TBC1D9: variants seen among roughly 807,000 people sequenced by gnomAD.
The protein encoded by TBC1D9 is TBC1 domain family member 9.
TBC1D9 carries 63 observed loss-of-function variants against 132.0 expected under a neutral mutation model. That is an observed-to-expected ratio of 0.48 (90% confidence interval 0.39 to 0.59). The LOEUF (loss-of-function observed/expected upper bound fraction) is 0.59. Among genes scored for constraint, TBC1D9 ranks in the 20% least tolerant of loss-of-function variants. The pLI, the probability that TBC1D9 is intolerant of heterozygous loss-of-function variation, is 0.00. For synonymous variants in TBC1D9, 610 were observed against 609.9 expected (o/e 1.00, Z 0.00); for missense variants, 1,261 against 1,592.7 (o/e 0.79, Z 3.54).
intron 1 of TBC1D9, among the ~76,000 whole-genome samples, chr4:140,736,256 G>A (rs1407622946): frequency 6.6e-6 from 1 of 151,898 alleles, no homozygotes; most frequent in Non-Finnish European, 1.5e-5. Flanking sequence ...AAAGTCAAAG[G>A]GCATCTGGAC....
intron 1 of TBC1D9, among the ~76,000 whole-genome samples, chr4:140,746,348 G>A (rs903697456): frequency 6.6e-6 from 1 of 152,116 alleles, no homozygotes; most frequent in African/African-American, 2.4e-5. Flanking sequence ...TAATTCACCT[G>A]AGATCCATTA....
intron 16 of TBC1D9, among the ~76,000 whole-genome samples, chr4:140,631,955 C>T (rs1736801705): frequency 6.6e-6 from 1 of 152,168 alleles, no homozygotes; most frequent in African/African-American, 2.4e-5. Flanking sequence ...ACTTTCCCAT[C>T]TCCATAACTA....
chr4:140,674,092 C>T (rs1045034908), intron 6 of TBC1D9, among the ~76,000 whole-genome samples: 1 of 152,188 alleles, frequency 6.6e-6, no homozygotes, highest in Non-Finnish European at 1.5e-5. Context: ...TGCTGCTTTA[C>T]TACATTTGAG....
intron 13 of TBC1D9, among the ~76,000 whole-genome samples, chr4:140,653,913 G>A (rs565075992): frequency 1.2e-4 from 18 of 152,346 alleles, no homozygotes; most frequent in Non-Finnish European, 2.6e-4. Context: ...GACGTAAATG[G>A]AAATCAGCTG....
chr4:140,734,105 G>T (rs542065821), intron 1 of TBC1D9, among the ~76,000 whole-genome samples: 2 of 152,218 alleles, frequency 1.3e-5, no homozygotes, highest in East Asian at 3.9e-4. Context: ...TCCTGATTTT[G>T]TTGAGTAGAT....
intron 1 of TBC1D9, among the ~76,000 whole-genome samples, chr4:140,739,572 G>C (rs537761223): frequency 6.6e-6 from 1 of 152,288 alleles, no homozygotes; most frequent in South Asian, 2.1e-4. Flanking sequence ...GAATGAAAAA[G>C]TTCTCAGCAG....
At chr4:140,661,078 C>T (rs1737352296) in intron 10 of TBC1D9, among the ~76,000 whole-genome samples, 1 of 152,084 alleles carries the variant, frequency 6.6e-6, no homozygotes, top group Non-Finnish European at 1.5e-5. Flanking sequence ...CCACGCCTGG[C>T]TAATTTTTTG....
rs1227298827 is a variant in TBC1D9, at chr4:140,622,915, C to T, written c.3081G>A (p.Gly1027=). 1 of 1,522,198 alleles carries T rather than the reference C, an allele frequency of 6.6e-7. No individual in the cohort carries two copies. Among genetic ancestry groups the T allele is most frequent in the Admixed American group, 2.1e-5 (1 of 48,258 alleles). 94.3% of individuals were successfully genotyped at this position (1,522,198 alleles called of 1,614,324 possible). A position where few individuals can be genotyped will look rare whatever the true frequency, so the allele number is the denominator to read the frequency against. ...NAKDLPKLNQ[G]QFIELCKTMY... is the part of the protein sequence containing the mutation. ...TTGTCTTACACAGTTCAATGAACTG[C>T]CCCTGAAAAGCGATTTGGAAAAACA... The change falls in exon 21 of 21, where the codon GGG becomes GGA. Residue 1027 remains glycine (G), a splice_region_variant and synonymous_variant. Coordinates refer to ENST00000442267, the MANE Select transcript of TBC1D9 (RefSeq NM_015130.3).
At chr4:140,648,376 T>TTTG (rs1364198653) in intron 13 of TBC1D9, among the ~76,000 whole-genome samples, 28 of 150,950 alleles carry the variant, frequency 1.9e-4, no homozygotes, top group East Asian at 5.8e-4. Flanking sequence ...GAAAGGCAGT[T>TTTG]TTGTTGTTGT....
intron 16 of TBC1D9, among the ~76,000 whole-genome samples, chr4:140,628,709 T>C (rs1414256477): frequency 6.6e-6 from 1 of 152,200 alleles, no homozygotes; most frequent in African/African-American, 2.4e-5. Context: ...CCTAGAATAG[T>C]GCCTGGCACC....
rs180891429 is a variant in TBC1D9, at chr4:140,654,629, G to T, written c.2337+2468C>A. ...GCAACCCACAGATAGAAAAGCTCTT[G>T]CTTACATCATACAGTACTATTCCAA... is the stretch of plus-strand genomic sequence containing the variant. On this transcript the variant is annotated intron_variant, in intron 13 of 20. Coordinates refer to ENST00000442267, the MANE Select transcript of TBC1D9 (RefSeq NM_015130.3). Among the ~76,000 whole-genome samples the T allele has an allele frequency of 2.8e-3, 423 of 152,244 alleles. 1 individual carries two copies. Among genetic ancestry groups the T allele is most frequent in the Non-Finnish European group, 5.0e-3 (338 of 68,008 alleles).
Position 140,678,980 on chromosome 4 carries a change from G to C in TBC1D9, c.813C>G (p.Leu271=), listed in dbSNP as rs973147459. 4.3e-6 allele frequency: 7 copies of C among 1,613,752 alleles called. No homozygotes were observed. Among genetic ancestry groups the C allele is most frequent in the African/African-American group, 1.3e-5 (1 of 74,908 alleles). Residue 271 remains leucine, a synonymous_variant, in exon 5 of 21, where the codon CTC becomes CTG. Coordinates refer to ENST00000442267, the MANE Select transcript of TBC1D9 (RefSeq NM_015130.3). ...GFEQDRSLPK[L]KRKSPKKVSA... ...ACACTTTTTTAGGAGATTTCCTTTT[G>C]AGTTTGGGCAGGGATCGATCTTGTT... is the stretch of plus-strand genomic sequence containing the variant.
chr4:140,722,246 A>G (rs1738436357), intron 1 of TBC1D9, among the ~76,000 whole-genome samples: 1 of 152,158 alleles, frequency 6.6e-6, no homozygotes. Context: ...AATTTCACTC[A>G]TTCATTTTCC....
Position 140,622,495 on chromosome 4 carries a change from C to T in TBC1D9, c.3501G>A (p.Val1167=). ...CCTCCTCGTGGGAGCCGGCACTCAG[C>T]ACCGAGTATGAGGACATGGAGCTGT... ...KDDSSMSSYS[V]LSAGSHEEDK... The change falls in exon 21 of 21, where the codon GTG becomes GTA. Residue 1167 remains valine (V), a synonymous_variant. Coordinates refer to ENST00000442267, the MANE Select transcript of TBC1D9 (RefSeq NM_015130.3). 6.2e-7 allele frequency: 1 copy of T among 1,614,082 alleles called. No homozygotes were observed. Among genetic ancestry groups the T allele is most frequent in the Non-Finnish European group, 8.5e-7 (1 of 1,179,912 alleles).
intron 13 of TBC1D9, among the ~76,000 whole-genome samples, chr4:140,656,089 C>T (rs1246115696): frequency 6.6e-6 from 1 of 152,180 alleles, no homozygotes; most frequent in Non-Finnish European, 1.5e-5. Flanking sequence ...CAATGTCCAT[C>T]TCTGGAGGCC....
intron 1 of TBC1D9, among the ~76,000 whole-genome samples, chr4:140,749,403 C>T (rs1329880351): frequency 6.6e-6 from 1 of 152,036 alleles, no homozygotes; most frequent in Non-Finnish European, 1.5e-5. Flanking sequence ...AGGCAAAATA[C>T]AAAGAACACA....
intron 2 of TBC1D9, among the ~76,000 whole-genome samples, chr4:140,687,392 ATAT>A (rs1737805942): frequency 1.2e-4 from 15 of 122,326 alleles, no homozygotes; most frequent in East Asian, 7.7e-4. Flanking sequence ...ATATATATAT[ATAT>A]AAACATATAG....
At chr4:140,642,148 C>A in intron 13 of TBC1D9, 1 of 765,642 alleles carries the variant, frequency 1.3e-6, no homozygotes, top group Non-Finnish European at 2.4e-6. Flanking sequence ...CTGTCCTTTG[C>A]CACCATGCCA....
intron 13 of TBC1D9, chr4:140,642,533 G>T: frequency 8.6e-7 from 1 of 1,159,136 alleles, no homozygotes; most frequent in Non-Finnish European, 1.3e-6. Context: ...AACTTGTCCT[G>T]CTTGGTGAGG....
Sources: allele counts gnomAD v4.1 joint callset (sites outside exome capture counted in the v4.1 genomes callset), GRCh38; gene constraint gnomAD v4.1.1; transcripts MANE v1.5; gene names NCBI Gene and HGNC (gene_info 2026-07-23, HGNC 2026-07-21).